The following PI16 variants were observed in gnomAD, a reference collection of about 807,000 sequenced individuals.
PI16 encodes PSP94-binding protein.
PI16 carries 35 observed loss-of-function variants against 38.0 expected under a neutral mutation model. The ratio of observed to expected loss-of-function variants is 0.92; its 90% CI spans 0.70 to 1.22. The LOEUF is 1.22. Ranked by LOEUF, PI16 falls within the 50% of genes most tolerant of loss-of-function variation. PI16 has a pLI of 0.00. For missense variants in PI16, 572 were observed against 593.8 expected, an observed-to-expected ratio of 0.96 and a Z score of 0.38; for synonymous variants, 275 against 252.9, an observed-to-expected ratio of 1.09 and a Z score of -0.83.
chr6:36,959,885 A>T (rs1353842777), intron 2 of PI16, among the ~76,000 whole-genome samples: 2 of 141,412 alleles, frequency 1.4e-5, no homozygotes, highest in East Asian at 4.1e-4. Flanking sequence ...AAAAAAAAAA[A>T]TTAAATAAAT....
chr6:36,961,807 T>C, intron 3 of PI16, 79 bp from the exon 4 acceptor site: 1 of 1,216,012 alleles, frequency 8.2e-7, no homozygotes, highest in African/African-American at 1.5e-5. Flanking sequence ...ATTTCCAGAG[T>C]AGGTGTGTGT....
In PI16 at chr6:36,961,513, T is replaced by A. The variant is rs756973336; in HGVS notation, c.456T>A (p.Gly152=). 1.4e-4 allele frequency: 228 copies of A among 1,613,880 alleles called. No homozygotes were observed. The highest frequency in any genetic ancestry group is 1.8e-4 in the Non-Finnish European group (216 of 1,179,982). Reference sequence around the variant, plus strand: ...CCCACTTCTGTGAGAAGCTCCAGGGTGTTGAGGAGACCAACATCGAATTAC... The same window carrying A: ...CCCACTTCTGTGAGAAGCTCCAGGGAGTTGAGGAGACCAACATCGAATTAC... The part of the protein sequence containing the change: ...CGSHFCEKLQ[G]VEETNIELLV... The change falls in exon 3 of 7, where the codon GGT becomes GGA. Residue 152 remains glycine, a synonymous_variant. Transcript: ENST00000373674.
chr6:36,958,762 T>G (rs1162595505), intron 1 of PI16, among the ~76,000 whole-genome samples: 1 of 152,040 alleles, frequency 6.6e-6, no homozygotes, highest in African/African-American at 2.4e-5. Context: ...CACACCGTGA[T>G]CTTGTGCTCT....
upstream of PI16, among the ~76,000 whole-genome samples, chr6:36,952,843 T>C (rs140015765): frequency 1.3e-5 from 2 of 152,328 alleles, no homozygotes; most frequent in East Asian, 3.9e-4. Context: ...ATATTATGAT[T>C]TGCATTTCAA....
chr6:36,958,655 G>T (rs374728666), intron 1 of PI16, among the ~76,000 whole-genome samples: 66 of 152,228 alleles, frequency 4.3e-4, no homozygotes, highest in Admixed American at 2.2e-3. Context: ...GAGGGTGGGG[G>T]CTTAGAGGGA....
rs1216042751 is a variant in PI16 at position 36,963,418 on chromosome 6, CT to C, written c.1077del (p.Glu360ArgfsTer78). On this transcript the variant is annotated frameshift_variant, in exon 5 of 7. Transcript: ENST00000373674. LOFTEE classifies it high-confidence loss of function. Reference sequence around the variant, plus strand: ...CCCCATGCCCAGGAGGAGGCTGAGGCTGAGGCTGAGTTGCCTCCTTCCAGTG... The same window carrying C: ...CCCCATGCCCAGGAGGAGGCTGAGGCGAGGCTGAGTTGCCTCCTTCCAGTG... The part of the protein sequence containing the change: ...LLPHAQEEAE[A>X]EAELPPSSEV... 1 of 1,614,200 alleles carries C rather than the reference CT, an allele frequency of 6.2e-7. No individual in the cohort carries two copies. The highest frequency in any genetic ancestry group is 1.1e-5 in the South Asian group (1 of 91,088).
At position 36,961,578 on chromosome 6, in the gene PI16, C is replaced by T. The variant is rs1007996979; in HGVS notation, c.503+18C>T. 1 of 1,608,616 alleles carries T rather than the reference C, an allele frequency of 6.2e-7. No homozygotes were observed. Among genetic ancestry groups the T allele is most frequent in the Admixed American group, 1.7e-5 (1 of 60,002 alleles). ...GAGCCTCCGTGAGTGCCGGGGGGAA[C>T]CCTGGAGATGGAGAGGGGGAAGGCA... On this transcript the variant is annotated intron_variant, in intron 3 of 6. Transcript: ENST00000373674.
At chr6:36,956,969 C>T (rs774855767) in intron 1 of PI16, among the ~76,000 whole-genome samples, 29 of 152,192 alleles carry the variant, frequency 1.9e-4, no homozygotes, top group African/African-American at 6.8e-4. Flanking sequence ...ACCCCTACCC[C>T]CTTCTCTTTT....
chr6:36,954,929 A>T lies in PI16; in HGVS notation c.169A>T (p.Met57Leu), dbSNP rs769831376. 50 of 1,612,464 alleles carry T rather than the reference A, an allele frequency of 3.1e-5. No individual in the cohort carries two copies. Among genetic ancestry groups the T allele is most frequent in the Non-Finnish European group, 4.2e-5 (49 of 1,179,836 alleles). ...VSPTASDMLH[M>L]RWDEELAAFA... is the part of the protein sequence containing the mutation. ...CCCGACGGCCTCAGACATGCTGCAC[A>T]TGGTAAGTGTGGCCACGGCCCTTGC... is the stretch of plus-strand genomic sequence containing the variant. The change falls in exon 1 of 7, where the codon ATG becomes TTG. Residue 57 changes from methionine to leucine, a missense_variant and splice_region_variant. By Grantham distance (15) the Met-to-Leu change is conservative. Coordinates refer to ENST00000373674, the MANE Select transcript of PI16 (RefSeq NM_153370.3).
upstream of PI16, among the ~76,000 whole-genome samples, chr6:36,949,756 T>G (rs1171515393): frequency 6.6e-6 from 1 of 152,234 alleles, no homozygotes; most frequent in Non-Finnish European, 1.5e-5. Context: ...TTATTTGAAG[T>G]CTTTTTCAGA....
intron 2 of PI16, among the ~76,000 whole-genome samples, chr6:36,960,325 A>ATGTGTGTGTG (rs10664545): frequency 0.074 from 10,386 of 139,880 alleles, 485 homozygotes; most frequent in Non-Finnish European, 0.089. Context: ...TGCAGATAAG[A>ATGTGTGTGTG]TGTGTGTGTG....
upstream of PI16, among the ~76,000 whole-genome samples, chr6:36,952,812 G>C (rs1763120436): frequency 6.6e-6 from 1 of 152,112 alleles, no homozygotes; most frequent in African/African-American, 2.4e-5. Context: ...TTTTAGGATG[G>C]ATTTTTCTGT....
intron 1 of PI16, 40 bp downstream of exon 1, chr6:36,954,971 G>C: frequency 6.3e-7 from 1 of 1,597,412 alleles, no homozygotes; most frequent in Non-Finnish European, 8.5e-7. Flanking sequence ...GGATGGAAGG[G>C]GTGCTGGCCA....
chr6:36,958,746 A>G (rs56322497), intron 1 of PI16, among the ~76,000 whole-genome samples: 31,437 of 151,962 alleles, frequency 0.21, 3,527 homozygotes, highest in East Asian at 0.38. Context: ...GCCCCTCAAC[A>G]TCGATCACAC....
chr6:36,953,716 C>T (rs1486617152), upstream of PI16, among the ~76,000 whole-genome samples: 3 of 152,170 alleles, frequency 2.0e-5, no homozygotes, highest in Non-Finnish European at 4.4e-5. Context: ...CTTCCTGCTT[C>T]ATGAACCGGT....
intron 2 of PI16, among the ~76,000 whole-genome samples, chr6:36,960,164 T>G (rs1404726935): frequency 6.6e-6 from 1 of 152,180 alleles, no homozygotes; most frequent in Non-Finnish European, 1.5e-5. Flanking sequence ...TTTTGCTTAG[T>G]TTTTCTTTTG....
At chr6:36,948,849 C>T (rs920128193) in intron 1 of PI16, among the ~76,000 whole-genome samples, 1 of 150,558 alleles carries the variant, frequency 6.6e-6, no homozygotes, top group African/African-American at 2.4e-5. Flanking sequence ...GGCTGGAGTG[C>T]AGTGGCGCGA....
chr6:36,963,762 G>T, intron 5 of PI16, 61 bp from the exon 6 acceptor site: 1 of 1,536,166 alleles, frequency 6.5e-7, no homozygotes. Context: ...GCATGGTGGG[G>T]TGGGCGGGAC....
rs140225145 is a variant in PI16, at chr6:36,957,433, T to C, written c.172-1712T>C. Reference sequence around the variant, plus strand: ...GCCCTCTTTGGTGCCTCTATAGTACTTGTGGCACATCTGTCATTTACCATG... The same window carrying C: ...GCCCTCTTTGGTGCCTCTATAGTACCTGTGGCACATCTGTCATTTACCATG... On this transcript the variant is annotated intron_variant, in intron 1 of 6. Coordinates refer to ENST00000373674, the MANE Select transcript of PI16 (RefSeq NM_153370.3). Among the ~76,000 whole-genome samples the C allele has an allele frequency of 1.8e-3, 273 of 152,330 alleles. 1 individual carries two copies. Among genetic ancestry groups the C allele is most frequent in the Middle Eastern group, 0.01 (3 of 294 alleles).
Sources: gnomAD v4.1 joint callset for allele counts (sites outside exome capture counted in the v4.1 genomes callset) on GRCh38, gnomAD v4.1.1 for gene constraint, MANE v1.5 for transcripts, NCBI Gene and HGNC (gene_info 2026-07-23, HGNC 2026-07-21) for gene names.